TNRC6B: variants seen among roughly 807,000 people sequenced by gnomAD.
The protein encoded by TNRC6B is trinucleotide repeat-containing gene 6B protein.
A neutral mutation model predicts 203.6 loss-of-function variants in TNRC6B; 52 were observed. The ratio of observed to expected loss-of-function variants is 0.26; its 90% CI spans 0.20 to 0.32. TNRC6B has a LOEUF of 0.32. Among genes scored for constraint, TNRC6B ranks in the 10% least tolerant of loss-of-function variants. TNRC6B has a pLI of 1.00. For missense variants in TNRC6B, 1,923 were observed against 2,286.2 expected, an observed-to-expected ratio of 0.84 and a Z score of 3.24; for synonymous variants, 838 against 845.7, an observed-to-expected ratio of 0.99 and a Z score of 0.16.
At chr22:40,312,816 G>A (rs530724381) in intron 18 of TNRC6B, 86 bp from the exon 19 acceptor site, 1 of 1,480,682 alleles carries the variant, frequency 6.8e-7, no homozygotes, top group Non-Finnish European at 9.4e-7. Flanking sequence ...CCATTCTATT[G>A]AAGTTTAAAC....
rs887052343 is a variant in TNRC6B at position 40,325,334 on chromosome 22, G to C, written c.*2093G>C. On this transcript the variant is annotated 3_prime_UTR_variant, in exon 23 of 23. Coordinates refer to ENST00000454349, the MANE Select transcript of TNRC6B (RefSeq NM_001162501.2). ...TGTGTATAGGAAAAGCCTAAAACAA[G>C]TTATTTGCATTTCAGTGGTTTTGTG... 2 of 152,654 alleles carry C rather than the reference G, an allele frequency of 1.3e-5. No individual in the cohort carries two copies. The highest frequency in any genetic ancestry group is 2.9e-5 in the Non-Finnish European group (2 of 68,046). 9.5% of individuals were successfully genotyped at this position (152,654 alleles called of 1,614,324 possible).
intron 3 of TNRC6B, among the ~76,000 whole-genome samples, chr22:40,138,142 G>C (rs1395132716): frequency 6.6e-6 from 1 of 152,214 alleles, no homozygotes; most frequent in East Asian, 1.9e-4. Flanking sequence ...GTCTGCAGAG[G>C]AGGGGACTGA....
At chr22:40,276,572 CACTAGG>C (rs1225978885) in intron 7 of TNRC6B, among the ~76,000 whole-genome samples, 1 of 152,152 alleles carries the variant, frequency 6.6e-6, no homozygotes, top group Non-Finnish European at 1.5e-5. Context: ...TGGTGTCTTC[CACTAGG>C]TCTCTTTACC....
At chr22:40,103,789 T>C (rs939603797) in intron 1 of TNRC6B, among the ~76,000 whole-genome samples, 1 of 150,724 alleles carries the variant, frequency 6.6e-6, no homozygotes, top group African/African-American at 2.4e-5. Context: ...ATTATAGGCA[T>C]GTGCCACCAC....
At chr22:40,173,422 CTTT>C (rs34606005), upstream of TNRC6B, among the ~76,000 whole-genome samples, 9 of 134,748 alleles carry the variant, frequency 6.7e-5, no homozygotes, top group Admixed American at 7.5e-5. Context: ...TCAGTTTACT[CTTT>C]TTTTTTTTTT....
At chr22:40,282,599 A>G (rs1454601459) in intron 11 of TNRC6B, among the ~76,000 whole-genome samples, 17 of 152,220 alleles carry the variant, frequency 1.1e-4, no homozygotes, top group Admixed American at 9.8e-4. Context: ...CTGTTAGTAC[A>G]TAAATTAGTA....
rs752069227 is a variant in TNRC6B, at chr22:40,330,898, T to G, written c.*7657T>G. On this transcript the variant is annotated 3_prime_UTR_variant, in exon 23 of 23. Transcript: ENST00000454349. ...CAGTGTAGAGTTGAGTGGAAGAGAT[T>G]CTGGGACTTGGGAGAGGAGACAGGG... 1 of 152,562 alleles carries G rather than the reference T, an allele frequency of 6.6e-6. No homozygotes were observed. Among genetic ancestry groups the G allele is most frequent in the Non-Finnish European group, 1.5e-5 (1 of 68,020 alleles). The allele number at this position is 152,562 out of a possible 1,614,324, so 9.5% of individuals were successfully genotyped here.
At chr22:40,146,152 G>C (rs1003820602) in intron 3 of TNRC6B, among the ~76,000 whole-genome samples, 7 of 152,214 alleles carry the variant, frequency 4.6e-5, no homozygotes, top group African/African-American at 1.7e-4. Flanking sequence ...TGTTGTGCCA[G>C]GCTTCTGGTG....
At chr22:40,256,489 AT>A (rs1298480528) in intron 3 of TNRC6B, among the ~76,000 whole-genome samples, 1 of 152,098 alleles carries the variant, frequency 6.6e-6, no homozygotes, top group Non-Finnish European at 1.5e-5. Context: ...AGCTAAGAAT[AT>A]TTTCTACGTT....
At chr22:40,263,734 G>A (rs891453590) in intron 4 of TNRC6B, among the ~76,000 whole-genome samples, 2 of 152,184 alleles carry the variant, frequency 1.3e-5, no homozygotes, top group Admixed American at 6.5e-5. Flanking sequence ...TCATTTAACA[G>A]ATTAAGTTCC....
chr22:40,329,363 CTG>C lies in TNRC6B; in HGVS notation c.*6125_*6126del, dbSNP rs1445419576. 1.3e-5 allele frequency: 2 copies of C among 151,868 alleles called. No homozygotes were observed. Among genetic ancestry groups the C allele is most frequent in the East Asian group, 1.9e-4 (1 of 5,186 alleles). The allele number at this position is 151,868 out of a possible 1,614,324, so 9.4% of individuals were successfully genotyped here. ...TTAGTGCAGACCCTGTGATAACAGT[CTG>C]TGGGTTTGTGGCCAGCGCCAAAGGT... On this transcript the variant is annotated 3_prime_UTR_variant, in exon 23 of 23. Transcript: ENST00000454349.
intron 1 of TNRC6B, among the ~76,000 whole-genome samples, chr22:40,237,020 C>T (rs992542509): frequency 6.6e-6 from 1 of 152,090 alleles, no homozygotes; most frequent in Non-Finnish European, 1.5e-5. Flanking sequence ...CAAAAATTAG[C>T]TGGGCGTGGT....
Position 40,279,981 on chromosome 22 carries a change from A to G in TNRC6B, c.3263-14A>G, listed in dbSNP as rs774145085. ...GATTCTGGAAATTTTCACTCTGTGT[A>G]TGCTACTTTTCAGGAAGCCTTTCAG... On this transcript the variant is annotated splice_polypyrimidine_tract_variant and intron_variant, in intron 9 of 22. Transcript: ENST00000454349. The G allele has an allele frequency of 1.5e-5, 24 of 1,613,572 alleles. No homozygotes were observed. Among genetic ancestry groups the G allele is most frequent in the Admixed American group, 1.7e-5 (1 of 59,976 alleles).
At chr22:40,219,693 G>A (rs1408236386) in intron 1 of TNRC6B, among the ~76,000 whole-genome samples, 4 of 152,040 alleles carry the variant, frequency 2.6e-5, no homozygotes, top group Non-Finnish European at 2.9e-5. Context: ...TACCTGGATC[G>A]TTCTTCCCCA....
At position 40,205,282 on chromosome 22, in the gene TNRC6B, A is replaced by G. The variant is rs182217287; in HGVS notation, c.5+27142A>G. Among the ~76,000 whole-genome samples, 327 of 152,366 alleles carry G rather than the reference A, an allele frequency of 2.1e-3. 2 individuals are homozygous for G. The highest frequency in any genetic ancestry group is 6.8e-3 in the African/African-American group (281 of 41,592). On this transcript the variant is annotated intron_variant, in intron 1 of 22. Transcript: ENST00000454349. Reference sequence around the variant, plus strand: ...TAAGCAAACAAATGTAATTAAGTAGATGGTGTTCACAGATTATCCATTAAT... The same window carrying G: ...TAAGCAAACAAATGTAATTAAGTAGGTGGTGTTCACAGATTATCCATTAAT...
chr22:40,210,068 G>A (rs1194063739), intron 1 of TNRC6B, among the ~76,000 whole-genome samples: 7 of 151,356 alleles, frequency 4.6e-5, no homozygotes, highest in Non-Finnish European at 8.8e-5. Flanking sequence ...CATACTTGGT[G>A]ACCTGCAAAC....
chr22:40,259,795 G>A (rs1029266132), intron 3 of TNRC6B, among the ~76,000 whole-genome samples: 30 of 152,190 alleles, frequency 2.0e-4, no homozygotes, highest in African/African-American at 7.2e-4. Context: ...GCAACATGCT[G>A]GCCCCGCATC....
rs140911078 is a variant in TNRC6B at position 40,316,470 on chromosome 22, A to C, written c.4974+458A>C. Among the ~76,000 whole-genome samples the C allele has an allele frequency of 5.3e-3, 806 of 152,236 alleles. 8 individuals are homozygous for C. The highest frequency in any genetic ancestry group is 0.018 in the African/African-American group (736 of 41,550). ...TGCTTGAAGCCAGGAGTCTGAAATC[A>C]GTCCAAGCAATATGAGACCCTGTTT... On this transcript the variant is annotated intron_variant, in intron 21 of 22. Transcript: ENST00000454349.
chr22:40,077,418 C>G (rs1341747428), intron 1 of TNRC6B, among the ~76,000 whole-genome samples: 1 of 152,150 alleles, frequency 6.6e-6, no homozygotes, highest in Admixed American at 6.5e-5. Context: ...GAGGGCAAGT[C>G]TGGTAGTAGT....
Sources: gnomAD v4.1 joint callset for allele counts (sites outside exome capture counted in the v4.1 genomes callset) on GRCh38, gnomAD v4.1.1 for gene constraint, MANE v1.5 for transcripts, NCBI Gene and HGNC (gene_info 2026-07-23, HGNC 2026-07-21) for gene names.